The following MACROD2 variants were observed in gnomAD, a reference collection of about 807,000 sequenced individuals.
MACROD2 encodes the protein ADP-ribose glycohydrolase MACROD2.
Under a neutral mutation model 70.4 loss-of-function variants are expected in MACROD2, and 36 were observed. The ratio of observed to expected loss-of-function variants is 0.51; its 90% confidence interval spans 0.39 to 0.68. MACROD2 has a LOEUF of 0.68. MACROD2 is among the 30% of genes least tolerant of loss of function. MACROD2 has a pLI of 0.00. For missense variants in MACROD2, 496 were observed against 538.4 expected, an observed-to-expected ratio of 0.92 and a Z score of 0.78; for synonymous variants, 172 against 178.8, an observed-to-expected ratio of 0.96 and a Z score of 0.30.
intron 8 of MACROD2, among the ~76,000 whole-genome samples, chr20:15,830,891 T>C (rs890729715): frequency 5.3e-5 from 8 of 152,222 alleles, no homozygotes; most frequent in African/African-American, 1.9e-4. Context: ...ACATTAGAAG[T>C]TGATGTTTTT....
chr20:15,727,566 A>G (rs2050883578), intron 8 of MACROD2, among the ~76,000 whole-genome samples: 1 of 152,170 alleles, frequency 6.6e-6, no homozygotes, highest in Non-Finnish European at 1.5e-5. Context: ...CTTCCTATCC[A>G]TGAGCATGGA....
At chr20:15,064,084 A>G (rs1446635183) in intron 5 of MACROD2, among the ~76,000 whole-genome samples, 1 of 152,198 alleles carries the variant, frequency 6.6e-6, no homozygotes, top group Non-Finnish European at 1.5e-5. Context: ...CTCTCGCACC[A>G]GTGATTGAGT....
At chr20:14,452,844 A>G (rs1301241080) in intron 3 of MACROD2, among the ~76,000 whole-genome samples, 1 of 152,044 alleles carries the variant, frequency 6.6e-6, no homozygotes, top group Non-Finnish European at 1.5e-5. Context: ...GGAAATCATT[A>G]TATTTGTTTC....
chr20:14,542,583 G>A (rs1173400864), intron 4 of MACROD2, among the ~76,000 whole-genome samples: 3 of 152,174 alleles, frequency 2.0e-5, no homozygotes, highest in Non-Finnish European at 2.9e-5. Context: ...GGAAGCAAAT[G>A]TTGAACTATA....
chr20:14,064,125 C>T (rs1442026679), intron 2 of MACROD2, among the ~76,000 whole-genome samples: 1 of 152,214 alleles, frequency 6.6e-6, no homozygotes, highest in Non-Finnish European at 1.5e-5. Context: ...TTTGAAACTG[C>T]TGGCCAACTT....
intron 5 of MACROD2, among the ~76,000 whole-genome samples, chr20:14,714,005 G>A (rs2071367946): frequency 6.6e-6 from 1 of 152,098 alleles, no homozygotes; most frequent in African/African-American, 2.4e-5. Flanking sequence ...GACAGCAGGA[G>A]GCTGGGTTGA....
intron 5 of MACROD2, among the ~76,000 whole-genome samples, chr20:14,719,383 G>C (rs2123680201): frequency 6.7e-6 from 1 of 150,026 alleles, no homozygotes; most frequent in African/African-American, 2.4e-5. Context: ...CATGGTCTTA[G>C]TTTAAGAATT....
chr20:14,072,276 G>A (rs375459030), intron 2 of MACROD2, among the ~76,000 whole-genome samples: 9 of 152,082 alleles, frequency 5.9e-5, no homozygotes, highest in African/African-American at 1.7e-4. Flanking sequence ...GGTGTGGTGG[G>A]ACAGGGATGA....
chr20:14,491,037 G>A (rs2084787714), intron 3 of MACROD2, among the ~76,000 whole-genome samples: 1 of 152,120 alleles, frequency 6.6e-6, no homozygotes, highest in Non-Finnish European at 1.5e-5. Context: ...TGGAGATAAT[G>A]AAGTAGAAAC....
At chr20:15,879,436 A>C (rs549242791) in intron 9 of MACROD2, among the ~76,000 whole-genome samples, 1 of 152,284 alleles carries the variant, frequency 6.6e-6, no homozygotes, top group East Asian at 1.9e-4. Flanking sequence ...TGTTGAACTA[A>C]AGTAGATTTC....
chr20:16,015,920 A>T (rs2066922519), intron 15 of MACROD2, among the ~76,000 whole-genome samples: 1 of 152,026 alleles, frequency 6.6e-6, no homozygotes, highest in Non-Finnish European at 1.5e-5. Context: ...GAGTATTTTT[A>T]AATATATTAT....
chr20:14,862,028 T>TA (rs1491330063), intron 5 of MACROD2, among the ~76,000 whole-genome samples: 28 of 25,678 alleles, frequency 1.1e-3, no homozygotes, highest in Non-Finnish European at 1.6e-3. Flanking sequence ...TTTATATATA[T>TA]TTATATATAT....
intron 5 of MACROD2, among the ~76,000 whole-genome samples, chr20:15,216,803 C>T (rs2076814556): frequency 6.6e-6 from 1 of 152,144 alleles, no homozygotes; most frequent in Admixed American, 6.6e-5. Context: ...GAAACTGCTC[C>T]TCACATTCTC....
intron 13 of MACROD2, among the ~76,000 whole-genome samples, chr20:15,976,586 T>C (rs370355558): frequency 3.9e-5 from 6 of 152,200 alleles, no homozygotes; most frequent in East Asian, 3.9e-4. Context: ...CTGGAAGCCC[T>C]GGGAGGAGTC....
chr20:14,115,696 A>G (rs938836938), intron 3 of MACROD2, among the ~76,000 whole-genome samples: 1 of 152,178 alleles, frequency 6.6e-6, no homozygotes, highest in African/African-American at 2.4e-5. Flanking sequence ...TGCTTCCAAC[A>G]GTTTTGGGAC....
At chr20:15,092,577 C>G (rs1186947210) in intron 5 of MACROD2, among the ~76,000 whole-genome samples, 1 of 151,580 alleles carries the variant, frequency 6.6e-6, no homozygotes, top group Non-Finnish European at 1.5e-5. Flanking sequence ...AGATCTTAGA[C>G]TTACTCTTCT....
At chr20:15,303,580 T>G (rs1166215595) in intron 6 of MACROD2, among the ~76,000 whole-genome samples, 3 of 152,186 alleles carry the variant, frequency 2.0e-5, no homozygotes, top group African/African-American at 7.2e-5. Flanking sequence ...ACTAACCAGT[T>G]TTTCCTCTGC....
chr20:14,233,422 G>T (rs574463253), intron 3 of MACROD2, among the ~76,000 whole-genome samples: 1 of 152,184 alleles, frequency 6.6e-6, no homozygotes, highest in Admixed American at 6.5e-5. Flanking sequence ...GCCGGGCGCG[G>T]TGGCTCACGC....
chr20:15,354,574 G>T (rs996657005), intron 6 of MACROD2, among the ~76,000 whole-genome samples: 1 of 152,092 alleles, frequency 6.6e-6, no homozygotes, highest in Non-Finnish European at 1.5e-5. Context: ...TTGACAACAT[G>T]TTTTAAGCTG....
Sources: allele counts gnomAD v4.1 joint callset (sites outside exome capture counted in the v4.1 genomes callset), GRCh38; gene constraint gnomAD v4.1.1; transcripts MANE v1.5; gene names NCBI Gene and HGNC (gene_info 2026-07-23, HGNC 2026-07-21).